The following FOXP1 variants were observed in gnomAD, a reference collection of about 807,000 sequenced individuals.
FOXP1 encodes the protein forkhead box P1.
In FOXP1, 15 loss-of-function variants were observed where a neutral mutation model predicts 98.2. The ratio of observed to expected loss-of-function variants is 0.15; its 90% CI spans 0.10 to 0.24. The LOEUF (loss-of-function observed/expected upper bound fraction) is 0.24. FOXP1 is among the 10% of genes least tolerant of loss of function. The probability of loss-of-function intolerance (pLI) is 1.00; values close to 1 mark genes in which losing one functional copy is unlikely to be tolerated. For missense variants in FOXP1, 633 were observed against 848.5 expected (o/e 0.75, Z 3.15); for synonymous variants, 371 against 314.5 (o/e 1.18, Z -1.90).
At chr3:71,575,689 C>T (rs750800409) in intron 2 of FOXP1, among the ~76,000 whole-genome samples, 5 of 152,204 alleles carry the variant, frequency 3.3e-5, no homozygotes, top group Non-Finnish European at 7.3e-5. Flanking sequence ...ACAAAAGCTG[C>T]GGTCACTGTC....
intron 3 of FOXP1, among the ~76,000 whole-genome samples, chr3:71,409,698 T>TGC (rs1468322478): frequency 6.6e-6 from 1 of 152,152 alleles, no homozygotes; most frequent in Non-Finnish European, 1.5e-5. Flanking sequence ...GGGTTTTAAC[T>TGC]CTGGGGTTAA....
chr3:70,966,489 G>A (rs3773496), intron 19 of FOXP1: 2,627 of 212,204 alleles, frequency 0.012, 42 homozygotes, highest in African/African-American at 0.038. Context: ...TATCCTGGCC[G>A]CACCGCTCAA....
intron 6 of FOXP1, among the ~76,000 whole-genome samples, chr3:71,119,228 T>C (rs2058584913): frequency 6.6e-6 from 1 of 152,218 alleles, no homozygotes; most frequent in Non-Finnish European, 1.5e-5. Context: ...TTTCTGCTGG[T>C]AGGTAATTGA....
At chr3:71,578,386 A>G (rs1290241617) in intron 2 of FOXP1, among the ~76,000 whole-genome samples, 2 of 152,230 alleles carry the variant, frequency 1.3e-5, no homozygotes, top group Non-Finnish European at 2.9e-5. Context: ...TTATTAACGT[A>G]TACCTAAAAT....
intron 5 of FOXP1, among the ~76,000 whole-genome samples, chr3:71,278,876 G>T (rs2107376694): frequency 6.6e-6 from 1 of 151,894 alleles, no homozygotes; most frequent in Admixed American, 6.6e-5. Flanking sequence ...CTTTAATGAG[G>T]ATCTTTGTTA....
At chr3:71,293,855 T>C (rs1029175242) in intron 5 of FOXP1, among the ~76,000 whole-genome samples, 4 of 152,170 alleles carry the variant, frequency 2.6e-5, no homozygotes, top group Non-Finnish European at 4.4e-5. Context: ...ACACACAGCA[T>C]AAAAAACAGT....
At chr3:71,138,515 T>G (rs961632599) in intron 6 of FOXP1, among the ~76,000 whole-genome samples, 4 of 152,326 alleles carry the variant, frequency 2.6e-5, no homozygotes, top group Non-Finnish European at 5.9e-5. Context: ...GAGCCTGATA[T>G]TCCTCAGACC....
At chr3:71,420,713 CT>C (rs72420028) in intron 3 of FOXP1, among the ~76,000 whole-genome samples, 73 of 145,420 alleles carry the variant, frequency 5.0e-4, no homozygotes, top group Admixed American at 4.8e-4. Flanking sequence ...CCTTTTTTTT[CT>C]TTTTTTTTTT....
At chr3:71,241,246 A>G (rs1400413487) in intron 5 of FOXP1, among the ~76,000 whole-genome samples, 4 of 151,844 alleles carry the variant, frequency 2.6e-5, no homozygotes, top group Non-Finnish European at 5.9e-5. Context: ...AAAACAAAAA[A>G]AAAACTTTTA....
At chr3:71,433,095 G>T (rs1011448717) in intron 3 of FOXP1, among the ~76,000 whole-genome samples, 2 of 151,944 alleles carry the variant, frequency 1.3e-5, no homozygotes, top group Admixed American at 6.6e-5. Flanking sequence ...TCAGCGATGG[G>T]CAAATTAGTG....
chr3:71,070,934 C>T lies in FOXP1; in HGVS notation c.283-17161G>A, dbSNP rs927844813. ...TCTTATAAAGAACACCCAATCCAGCCGACAATAAATCTTACACCGGGGAAG... is the reference window on the plus strand; with the variant it reads ...TCTTATAAAGAACACCCAATCCAGCTGACAATAAATCTTACACCGGGGAAG... On this transcript the variant is annotated intron_variant, in intron 7 of 20. Coordinates refer to ENST00000649528, the MANE Select transcript of FOXP1 (RefSeq NM_001349338.3). 4.6e-5 allele frequency among the ~76,000 whole-genome samples: 7 copies of T among 152,150 alleles called. No homozygotes were observed. In the East Asian group the frequency reaches 7.7e-4, roughly 17 times the overall value.
chr3:71,520,235 A>C (rs2042879863), intron 2 of FOXP1, among the ~76,000 whole-genome samples: 1 of 152,148 alleles, frequency 6.6e-6, no homozygotes, highest in Admixed American at 6.5e-5. Context: ...TTGCCTCATC[A>C]ATTTCTACAC....
At chr3:71,445,247 C>T (rs2086309046) in intron 3 of FOXP1, among the ~76,000 whole-genome samples, 1 of 152,164 alleles carries the variant, frequency 6.6e-6, no homozygotes, top group Non-Finnish European at 1.5e-5. Flanking sequence ...GGAATTCAAA[C>T]TCAGTTTTGC....
Position 70,970,825 on chromosome 3 carries a change from AAACTC to A in FOXP1, c.1653-25_1653-21del. On this transcript the variant is annotated intron_variant, in intron 18 of 20. Coordinates refer to ENST00000649528, the MANE Select transcript of FOXP1 (RefSeq NM_001349338.3). Reference sequence around the variant, plus strand: ...GGGTTACTGTGTAAGAAAAACATAAAAACTCAAAGTTAAACACAGTCGACTGCTGA... The same window carrying A: ...GGGTTACTGTGTAAGAAAAACATAAAAAAGTTAAACACAGTCGACTGCTGA... 1 of 1,597,412 alleles carries A rather than the reference AAACTC, an allele frequency of 6.3e-7. No individual in the cohort carries two copies. Among genetic ancestry groups the A allele is most frequent in the Non-Finnish European group, 8.6e-7 (1 of 1,164,882 alleles).
intron 4 of FOXP1, among the ~76,000 whole-genome samples, chr3:71,339,455 G>A (rs750816645): frequency 6.6e-6 from 1 of 152,140 alleles, no homozygotes. Flanking sequence ...TAATTACTAG[G>A]GCTCCTGGAG....
chr3:71,387,453 CT>C (rs1349826994), intron 3 of FOXP1, among the ~76,000 whole-genome samples: 2 of 152,182 alleles, frequency 1.3e-5, no homozygotes, highest in East Asian at 3.8e-4. Context: ...GCTAAGACAT[CT>C]AAAATTGTAT....
chr3:71,277,131 T>G (rs1044643818), intron 5 of FOXP1, among the ~76,000 whole-genome samples: 1 of 151,846 alleles, frequency 6.6e-6, no homozygotes, highest in Non-Finnish European at 1.5e-5. Flanking sequence ...GCTAATTTTT[T>G]GTATTTTTAG....
At chr3:71,141,174 A>G (rs993840259) in intron 6 of FOXP1, among the ~76,000 whole-genome samples, 1 of 150,436 alleles carries the variant, frequency 6.6e-6, no homozygotes, top group Admixed American at 6.6e-5. Context: ...AGGCTGAGGC[A>G]GGACAATCAG....
intron 18 of FOXP1, chr3:70,971,859 G>C: frequency 2.0e-6 from 1 of 489,754 alleles, no homozygotes. Flanking sequence ...AGAGAAACGA[G>C]AGCAATACAT....
Sources: gnomAD v4.1 joint callset for allele counts (sites outside exome capture counted in the v4.1 genomes callset) on GRCh38, gnomAD v4.1.1 for gene constraint, MANE v1.5 for transcripts, NCBI Gene and HGNC (gene_info 2026-07-23, HGNC 2026-07-21) for gene names.